ITSN1: variants seen among roughly 807,000 people sequenced by gnomAD.
ITSN1 encodes the protein intersectin 1.
A neutral mutation model predicts 239.8 loss-of-function variants in ITSN1; 58 were observed. The observed-to-expected ratio is 0.24, with a 90% CI of 0.20 to 0.30. The LOEUF (loss-of-function observed/expected upper bound fraction) is 0.30, where lower values mean the gene tolerates loss of function less well. ITSN1 is among the 10% of genes least tolerant of loss of function. ITSN1 has a pLI of 1.00. For missense variants in ITSN1, 1,558 were observed against 2,103.3 expected, an observed-to-expected ratio of 0.74 and a Z score of 5.07; for synonymous variants, 780 against 770.8, an observed-to-expected ratio of 1.01 and a Z score of -0.20.
At chr21:33,683,836 T>C (rs7281257) in intron 1 of ITSN1, among the ~76,000 whole-genome samples, 6,707 of 152,316 alleles carry the variant, frequency 0.044, 495 homozygotes, top group African/African-American at 0.15. Flanking sequence ...AATTTCTCTA[T>C]TTTAATATTT....
intron 4 of ITSN1, among the ~76,000 whole-genome samples, chr21:33,733,695 C>T (rs1798561857): frequency 6.6e-6 from 1 of 151,916 alleles, no homozygotes; most frequent in African/African-American, 2.4e-5. Flanking sequence ...TCCAAATGGC[C>T]ACGAAATACA....
intron 24 of ITSN1, 32 bp from the exon 25 acceptor site, chr21:33,823,455 T>C (rs1902286856): frequency 6.3e-7 from 1 of 1,592,164 alleles, no homozygotes; most frequent in African/African-American, 1.3e-5. Context: ...ACAATCAAGC[T>C]CTCTCCGTAT....
rs1162771690 is a variant in ITSN1, at chr21:33,754,036, T to G, written c.624-1261T>G. ...TAGTCTATTTAAATTCTCAGGAATT[T>G]GGCAGAAAACTCTGATGTGATAAGT... is the stretch of plus-strand genomic sequence containing the variant. On this transcript the variant is annotated intron_variant, in intron 7 of 39. Coordinates refer to ENST00000381318, the MANE Select transcript of ITSN1 (RefSeq NM_003024.3). 2.6e-5 allele frequency: 4 copies of G among 152,196 alleles called. No homozygotes were observed. The East Asian group carries it at 7.7e-4, about 29-fold the overall frequency. 9.4% of individuals were successfully genotyped at this position (152,196 alleles called of 1,614,324 possible).
intron 17 of ITSN1, 72 bp downstream of exon 17, chr21:33,794,540 C>T: frequency 2.6e-6 from 4 of 1,538,374 alleles, no homozygotes; most frequent in Non-Finnish European, 2.6e-6. Flanking sequence ...CTTGGCTTCT[C>T]CAAGTAGTTA....
chr21:33,679,148 C>T (rs191580636), intron 1 of ITSN1, among the ~76,000 whole-genome samples: 23 of 152,202 alleles, frequency 1.5e-4, no homozygotes, highest in East Asian at 3.9e-4. Context: ...GAGTGTTTCC[C>T]GAATCATAAG....
intron 1 of ITSN1, chr21:33,643,267 C>T (rs2087594893): frequency 6.6e-6 from 1 of 151,468 alleles, no homozygotes; most frequent in Non-Finnish European, 1.5e-5. Flanking sequence ...CGTTCGGCCC[C>T]AGGGCGCGCC....
At chr21:33,649,173 A>G (rs2088267818) in intron 1 of ITSN1, among the ~76,000 whole-genome samples, 1 of 152,226 alleles carries the variant, frequency 6.6e-6, no homozygotes. Context: ...GTTTGGAGAT[A>G]GAAAGTGGCC....
At chr21:33,875,612 C>A in intron 34 of ITSN1, 91 bp downstream of exon 34, 1 of 1,215,928 alleles carries the variant, frequency 8.2e-7, no homozygotes, top group South Asian at 1.5e-5. Context: ...GAACCATTCT[C>A]CTCCCCAGCC....
At chr21:33,746,352 A>G (rs1489435098) in intron 5 of ITSN1, among the ~76,000 whole-genome samples, 4 of 152,226 alleles carry the variant, frequency 2.6e-5, no homozygotes, top group Non-Finnish European at 5.9e-5. Context: ...GGCAGTCAGT[A>G]GGAACTATCT....
chr21:33,775,102 A>G lies in ITSN1; in HGVS notation c.1590A>G (p.Gln530=), dbSNP rs377646887. ...RIAEITHLQQ[Q]LQESQQMLGR... Reference sequence around the variant, plus strand: ...CCGAAATCACCCATCTACAGCAACAATTACAGGTGAGGAAATATGCCTCTT... The same window carrying G: ...CCGAAATCACCCATCTACAGCAACAGTTACAGGTGAGGAAATATGCCTCTT... The change falls in exon 14 of 40, where the codon CAA becomes CAG. Residue 530 remains glutamine (Q), a synonymous_variant. Transcript: ENST00000381318. 1.0e-4 allele frequency: 164 copies of G among 1,608,204 alleles called. No homozygotes were observed. The highest frequency in any genetic ancestry group is 1.3e-4 in the Non-Finnish European group (154 of 1,178,642).
At chr21:33,877,779 T>C (rs1984181067) in intron 34 of ITSN1, among the ~76,000 whole-genome samples, 1 of 152,224 alleles carries the variant, frequency 6.6e-6, no homozygotes, top group South Asian at 2.1e-4. Context: ...GGTTCCTATT[T>C]TCATTCTGTT....
chr21:33,651,775 C>T (rs1032872107), intron 1 of ITSN1, among the ~76,000 whole-genome samples: 1 of 152,104 alleles, frequency 6.6e-6, no homozygotes, highest in Non-Finnish European at 1.5e-5. Flanking sequence ...TTGTAAAATG[C>T]TGCTGTTGTC....
chr21:33,877,201 G>A (rs150283399), intron 34 of ITSN1, among the ~76,000 whole-genome samples: 1,944 of 151,710 alleles, frequency 0.013, 54 homozygotes, highest in African/African-American at 0.045. Flanking sequence ...TTACAGGTGC[G>A]CACCACCATG....
rs1283209027 is a variant in ITSN1 at position 33,891,899 on chromosome 21, T to C, written c.*3599T>C. 6.6e-6 allele frequency: 1 copy of C among 152,240 alleles called. No homozygotes were observed. The highest frequency in any genetic ancestry group is 2.4e-5 in the African/African-American group (1 of 41,466). The allele number at this position is 152,240 out of a possible 1,614,324, so 9.4% of individuals were successfully genotyped here. A position where few individuals can be genotyped will look rare whatever the true frequency, so the allele number is the denominator to read the frequency against. ...ATTGATAAGAAGAAAATGTGTTTTGTACGTGTAACAACTTTAAGAATTTCC... is the reference window on the plus strand; with the variant it reads ...ATTGATAAGAAGAAAATGTGTTTTGCACGTGTAACAACTTTAAGAATTTCC... On this transcript the variant is annotated 3_prime_UTR_variant, in exon 40 of 40. Coordinates refer to ENST00000381318, the MANE Select transcript of ITSN1 (RefSeq NM_003024.3).
At chr21:33,836,361 G>A (rs1307958444) in intron 28 of ITSN1, 80 bp from the exon 29 acceptor site, 14 of 1,004,316 alleles carry the variant, frequency 1.4e-5, no homozygotes, top group Non-Finnish European at 1.1e-5. Flanking sequence ...TAGTAGCTGG[G>A]AATGTTGAAT....
intron 29 of ITSN1, among the ~76,000 whole-genome samples, chr21:33,838,704 C>G (rs2074719167): frequency 6.6e-6 from 1 of 152,272 alleles, no homozygotes; most frequent in East Asian, 1.9e-4. Flanking sequence ...GATCAATATG[C>G]AAATGATCAT....
intron 25 of ITSN1, among the ~76,000 whole-genome samples, chr21:33,825,008 A>G (rs1368232429): frequency 2.0e-5 from 3 of 152,216 alleles, no homozygotes; most frequent in African/African-American, 4.8e-5. Flanking sequence ...TACAGATGAT[A>G]TTTCAGGGGA....
chr21:33,692,535 T>C (rs1481869952), intron 1 of ITSN1, among the ~76,000 whole-genome samples: 1 of 152,200 alleles, frequency 6.6e-6, no homozygotes, highest in Non-Finnish European at 1.5e-5. Context: ...GGGTAACATT[T>C]ACATTTTAGC....
At position 33,767,709 on chromosome 21, in the gene ITSN1, G is replaced by T; in HGVS notation, c.927-4G>T. The T allele has an allele frequency of 6.4e-7, 1 of 1,570,774 alleles. No homozygotes were observed. Among genetic ancestry groups the T allele is most frequent in the Non-Finnish European group, 8.7e-7 (1 of 1,146,160 alleles). On this transcript the variant is annotated splice_polypyrimidine_tract_variant and splice_region_variant and intron_variant, in intron 10 of 39. Coordinates refer to ENST00000381318, the MANE Select transcript of ITSN1 (RefSeq NM_003024.3). Reference sequence around the variant, plus strand: ...TCTATTTTTCTTTTTCCCCGCAATTGCAGAAGAGTTCGATCTGGCAGTGGT... The same window carrying T: ...TCTATTTTTCTTTTTCCCCGCAATTTCAGAAGAGTTCGATCTGGCAGTGGT...
Sources: gnomAD v4.1 joint callset for allele counts (sites outside exome capture counted in the v4.1 genomes callset) on GRCh38, gnomAD v4.1.1 for gene constraint, MANE v1.5 for transcripts, NCBI Gene and HGNC (gene_info 2026-07-23, HGNC 2026-07-21) for gene names.